Variants in PALLD observed in about 807,000 individuals in gnomAD.
The protein encoded by PALLD is palladin.
Under a neutral mutation model 123.5 loss-of-function variants are expected in PALLD, and 61 were observed. The ratio of observed to expected loss-of-function variants is 0.49; its 90% CI spans 0.40 to 0.61. The LOEUF is 0.61. Ranked by LOEUF, PALLD falls within the 20% of genes least tolerant of loss-of-function variation. PALLD has a pLI of 0.00. For synonymous variants in PALLD, 465 were observed against 496.4 expected (o/e 0.94, Z 0.84); for missense variants, 1,273 against 1,377.0 (o/e 0.92, Z 1.20).
chr4:168,679,462 GGA>G, intron 3 of PALLD, among the ~76,000 whole-genome samples: 1 of 116,182 alleles, frequency 8.6e-6, no homozygotes, highest in African/African-American at 3.6e-5. Flanking sequence ...GGGTGAGTAT[GGA>G]CGTGTGTGGG....
At chr4:168,546,308 C>G (rs1056617002) in intron 2 of PALLD, among the ~76,000 whole-genome samples, 50 of 118,874 alleles carry the variant, frequency 4.2e-4, no homozygotes, top group African/African-American at 1.4e-3. Flanking sequence ...CCCCACCCCC[C>G]ACCCACCAAA....
At chr4:168,803,684 CAAAA>C (rs5863961) in intron 10 of PALLD, among the ~76,000 whole-genome samples, 2 of 137,702 alleles carry the variant, frequency 1.5e-5, no homozygotes, top group African/African-American at 5.4e-5. Context: ...GACCCTGTCT[CAAAA>C]AAAAAAAAAA....
chr4:168,556,593 G>C (rs1051024388), intron 2 of PALLD, among the ~76,000 whole-genome samples: 2 of 152,130 alleles, frequency 1.3e-5, no homozygotes, highest in Admixed American at 6.6e-5. Context: ...CCTTTTAAAA[G>C]CTCAAACTAT....
chr4:168,811,663 C>A (rs55873400), intron 10 of PALLD, among the ~76,000 whole-genome samples: 10,749 of 151,994 alleles, frequency 0.071, 1,244 homozygotes, highest in African/African-American at 0.24. Context: ...TTGAGCTCAG[C>A]AAGTAGAGGT....
chr4:168,926,413 C>G lies in PALLD; in HGVS notation c.*233C>G, dbSNP rs1762586921. On this transcript the variant is annotated 3_prime_UTR_variant, in exon 22 of 22. Transcript: ENST00000505667. Reference sequence around the variant, plus strand: ...CAGCATTCTTGTTAAAGCTGAAACACTGAAACAGCCATTGCCTTGACCAAC... The same window carrying G: ...CAGCATTCTTGTTAAAGCTGAAACAGTGAAACAGCCATTGCCTTGACCAAC... The G allele has an allele frequency of 1.3e-6, 2 of 1,500,692 alleles. No homozygotes were observed. Among genetic ancestry groups the G allele is most frequent in the Admixed American group, 2.0e-5 (1 of 50,894 alleles). The allele number at this position is 1,500,692 out of a possible 1,614,324, so 93.0% of individuals were successfully genotyped here.
At chr4:168,517,419 T>C (rs549396180) in intron 2 of PALLD, among the ~76,000 whole-genome samples, 5 of 152,314 alleles carry the variant, frequency 3.3e-5, no homozygotes, top group African/African-American at 1.2e-4. Flanking sequence ...AAGTTTTATT[T>C]ACTATATATA....
chr4:168,507,758 A>T (rs1211538922), intron 1 of PALLD: 1 of 178,872 alleles, frequency 5.6e-6, no homozygotes, highest in Non-Finnish European at 1.2e-5. Context: ...GACTACCCAT[A>T]ACATAAAATG....
intron 10 of PALLD, among the ~76,000 whole-genome samples, chr4:168,811,664 A>T (rs1741131153): frequency 6.6e-6 from 1 of 152,068 alleles, no homozygotes; most frequent in African/African-American, 2.4e-5. Flanking sequence ...TGAGCTCAGC[A>T]AGTAGAGGTT....
intron 10 of PALLD, among the ~76,000 whole-genome samples, chr4:168,860,498 A>G (rs562230432): frequency 2.6e-5 from 4 of 152,282 alleles, no homozygotes; most frequent in East Asian, 1.9e-4. Flanking sequence ...CTGGGAAGTA[A>G]GTTGTGCTGT....
At chr4:168,560,315 G>A (rs1767740131) in intron 2 of PALLD, among the ~76,000 whole-genome samples, 1 of 152,176 alleles carries the variant, frequency 6.6e-6, no homozygotes, top group Non-Finnish European at 1.5e-5. Context: ...TCACCTTACT[G>A]AATCCTTTAA....
At chr4:168,781,592 G>A (rs1361801336) in intron 10 of PALLD, among the ~76,000 whole-genome samples, 2 of 152,178 alleles carry the variant, frequency 1.3e-5, no homozygotes, top group African/African-American at 4.8e-5. Flanking sequence ...GAGGTGAACA[G>A]GCTGTCAGCA....
intron 2 of PALLD, among the ~76,000 whole-genome samples, chr4:168,661,727 A>G (rs1178167565): frequency 6.6e-6 from 1 of 152,188 alleles, no homozygotes; most frequent in Admixed American, 6.6e-5. Flanking sequence ...TTGTTAAAAC[A>G]TGTGTCTATC....
chr4:168,508,042 T>A (rs1372297970), intron 1 of PALLD, among the ~76,000 whole-genome samples: 1 of 152,212 alleles, frequency 6.6e-6, no homozygotes, highest in Non-Finnish European at 1.5e-5. Context: ...TGCTGTTGCT[T>A]CTAGGTGCTA....
intron 10 of PALLD, among the ~76,000 whole-genome samples, chr4:168,727,730 A>G (rs1471264616): frequency 1.3e-5 from 2 of 152,152 alleles, no homozygotes; most frequent in Non-Finnish European, 2.9e-5. Flanking sequence ...CCACTTGTCA[A>G]TTTTTGGTTT....
At chr4:168,882,568 C>A (rs531852428) in intron 10 of PALLD, among the ~76,000 whole-genome samples, 1 of 96,908 alleles carries the variant, frequency 1.0e-5, no homozygotes, top group African/African-American at 2.7e-5. Context: ...TTGCAGACAT[C>A]TCATCTACCT....
At chr4:168,728,930 T>C (rs1786873210) in intron 10 of PALLD, among the ~76,000 whole-genome samples, 1 of 152,156 alleles carries the variant, frequency 6.6e-6, no homozygotes, top group Non-Finnish European at 1.5e-5. Flanking sequence ...TTTATTTCTT[T>C]CTCTTGCCTG....
intron 10 of PALLD, among the ~76,000 whole-genome samples, chr4:168,798,125 G>A (rs1158442153): frequency 1.3e-5 from 2 of 152,168 alleles, no homozygotes; most frequent in Non-Finnish European, 2.9e-5. Context: ...GTAAGGAAAT[G>A]TGGAGTACAT....
In PALLD at chr4:168,823,399, G is replaced by A. The variant is rs143781029; in HGVS notation, c.1965-67523G>A. ...CTCAAGAATCAGAAATCCCTTTCTC[G>A]GCAAGGTAGTTCACGCCTAGAGTCC... is the stretch of plus-strand genomic sequence containing the variant. On this transcript the variant is annotated intron_variant, in intron 10 of 21. Transcript: ENST00000505667. Among the ~76,000 whole-genome samples, 982 of 152,114 alleles carry A rather than the reference G, an allele frequency of 6.5e-3. 4 individuals are homozygous for A. The highest frequency in any genetic ancestry group is 0.011 in the Non-Finnish European group (738 of 68,002).
Position 168,787,173 on chromosome 4 carries a change from T to A in PALLD, c.1964+75250T>A, listed in dbSNP as rs376544996. Among the ~76,000 whole-genome samples, 10 of 152,328 alleles carry A rather than the reference T, an allele frequency of 6.6e-5. No homozygotes were observed. In the East Asian group the frequency reaches 1.3e-3, roughly 21 times the overall value. ...CAGGGAGTGAAAGATGTCTGCTAAT[T>A]CATTCGTGAACTTATTTACCTATTT... On this transcript the variant is annotated intron_variant, in intron 10 of 21. Transcript: ENST00000505667.
Sources: allele counts gnomAD v4.1 joint callset (sites outside exome capture counted in the v4.1 genomes callset), GRCh38; gene constraint gnomAD v4.1.1; transcripts MANE v1.5; gene names NCBI Gene and HGNC (gene_info 2026-07-23, HGNC 2026-07-21).